Variants in STAB2 observed in about 807,000 individuals in gnomAD.
STAB2 encodes the protein stabilin-2.
In STAB2, 288 loss-of-function variants were observed where a neutral mutation model predicts 338.1. That is an observed-to-expected ratio of 0.85 (90% CI 0.77 to 0.94). STAB2 has a LOEUF of 0.94. STAB2 is among the 40% of genes least tolerant of loss of function. The pLI, the probability that STAB2 is intolerant of heterozygous loss-of-function variation, is 0.00. For synonymous variants in STAB2, 1,202 were observed against 1,193.3 expected (o/e 1.01, Z -0.15); for missense variants, 3,141 against 3,210.1 (o/e 0.98, Z 0.52).
intron 44 of STAB2, among the ~76,000 whole-genome samples, chr12:103,724,019 G>A (rs889597384): frequency 1.3e-4 from 20 of 152,158 alleles, no homozygotes; most frequent in African/African-American, 3.6e-4. Context: ...GGTAGAGGCC[G>A]TTGACAAGGG....
rs181112541 is a variant in STAB2 at position 103,709,143 on chromosome 12, C to T, written c.4288+607C>T. Among the ~76,000 whole-genome samples, 489 of 152,236 alleles carry T rather than the reference C, an allele frequency of 3.2e-3. 2 individuals are homozygous for T. The highest frequency in any genetic ancestry group is 5.2e-3 in the Non-Finnish European group (352 of 68,014). On this transcript the variant is annotated intron_variant, in intron 39 of 68. Transcript: ENST00000388887. ...TCTGAGAGGCCCATTTCCTTCAATC[C>T]GACCACATCACATTGATTTTTCTTA...
intron 2 of STAB2, among the ~76,000 whole-genome samples, chr12:103,593,188 T>C (rs934182866): frequency 4.6e-5 from 7 of 152,168 alleles, no homozygotes; most frequent in Admixed American, 1.3e-4. Context: ...TAACCAGAAG[T>C]AGGATTAATG....
Position 103,704,630 on chromosome 12 carries a change from G to A in STAB2, c.3900+16G>A, listed in dbSNP as rs775726709. On this transcript the variant is annotated intron_variant, in intron 36 of 68. Transcript: ENST00000388887. ...TAAATCTCTAGTAAGTACTTTGTCT[G>A]TTTTGATAAAATAGTTTCCAGATCC... 5.6e-6 allele frequency: 9 copies of A among 1,612,126 alleles called. No homozygotes were observed. Among genetic ancestry groups the A allele is most frequent in the Middle Eastern group, 1.6e-4 (1 of 6,076 alleles).
At chr12:103,667,461 C>T (rs192008738) in intron 19 of STAB2, among the ~76,000 whole-genome samples, 2 of 152,214 alleles carry the variant, frequency 1.3e-5, no homozygotes, top group African/African-American at 2.4e-5. Context: ...CAAGGTCACA[C>T]AGCTGATGTG....
At chr12:103,668,085 C>T (rs541065796) in intron 19 of STAB2, among the ~76,000 whole-genome samples, 3 of 152,334 alleles carry the variant, frequency 2.0e-5, no homozygotes, top group Non-Finnish European at 4.4e-5. Flanking sequence ...GATTGATGAA[C>T]TCATCTGTGC....
At position 103,704,575 on chromosome 12, in the gene STAB2, C is replaced by T. The variant is rs1452135876; in HGVS notation, c.3861C>T (p.Cys1287=). Residue 1287 remains cysteine, a synonymous_variant, in exon 36 of 69, where the codon TGC becomes TGT. Coordinates refer to ENST00000388887, the MANE Select transcript of STAB2 (RefSeq NM_017564.10). ...TTIIRGRCRT[C]SSELTCPFGT... ...TTACCAAGGGAAGATGTAGGACATG[C>T]TCCTCAGAGCTGACCTGCCCATTCG... 2 of 1,613,512 alleles carry T rather than the reference C, an allele frequency of 1.2e-6. No individual in the cohort carries two copies. The highest frequency in any genetic ancestry group is 1.7e-6 in the Non-Finnish European group (2 of 1,179,780).
intron 21 of STAB2, among the ~76,000 whole-genome samples, chr12:103,670,004 T>G (rs1875595704): frequency 6.6e-6 from 1 of 152,242 alleles, no homozygotes; most frequent in Non-Finnish European, 1.5e-5. Flanking sequence ...CTGATTGCTT[T>G]TTTGAACCTA....
intron 27 of STAB2, among the ~76,000 whole-genome samples, chr12:103,686,341 C>G (rs1033520077): frequency 6.6e-6 from 1 of 152,190 alleles, no homozygotes; most frequent in African/African-American, 2.4e-5. Context: ...TCCTGACATG[C>G]AGACCATGGC....
intron 3 of STAB2, among the ~76,000 whole-genome samples, chr12:103,604,947 A>G (rs56216042): frequency 0.043 from 5,723 of 134,620 alleles, 388 homozygotes; most frequent in African/African-American, 0.17. Flanking sequence ...TTATTTAAAA[A>G]CTTTCTTCTT....
At position 103,699,102 on chromosome 12, in the gene STAB2, G is replaced by T. The variant is rs1450064026; in HGVS notation, c.3589G>T (p.Asp1197Tyr). Residue 1197 changes from aspartate to tyrosine, a missense_variant, in exon 34 of 69, where the codon GAC (aspartate) becomes TAC (tyrosine). Asp to Tyr is a radical substitution (Grantham distance 160, BLOSUM62 -3). Coordinates refer to ENST00000388887, the MANE Select transcript of STAB2 (RefSeq NM_017564.10). The stretch of plus-strand genomic sequence containing the variant: ...AATTCTGTGTGTGATCCAGGAGGAG[G>T]ACGTCCTCCGGTATCATGTGGTCCT... Reference protein sequence around the residue: ...REKKVLSLEEDVLRYHVVLEE... With the variant: ...REKKVLSLEEYVLRYHVVLEE... The T allele has an allele frequency of 6.2e-7, 1 of 1,608,278 alleles. No homozygotes were observed. Among genetic ancestry groups the T allele is most frequent in the South Asian group, 1.1e-5 (1 of 90,694 alleles).
intron 5 of STAB2, among the ~76,000 whole-genome samples, chr12:103,625,243 T>C (rs1957363185): frequency 6.6e-6 from 1 of 152,208 alleles, no homozygotes; most frequent in South Asian, 2.1e-4. Flanking sequence ...TGTTGGTTAC[T>C]GATGAGCACA....
At chr12:103,720,523 TG>T (rs1359417111) in intron 44 of STAB2, among the ~76,000 whole-genome samples, 1 of 152,238 alleles carries the variant, frequency 6.6e-6, no homozygotes, top group Non-Finnish European at 1.5e-5. Flanking sequence ...TTTATGAATT[TG>T]TATGTAAATT....
Position 103,650,557 on chromosome 12 carries a change from C to A in STAB2, c.1236C>A (p.Asp412Glu). The A allele has an allele frequency of 1.2e-6, 2 of 1,613,078 alleles. No homozygotes were observed. The highest frequency in any genetic ancestry group is 1.7e-6 in the Non-Finnish European group (2 of 1,179,190). ...LGPFTVLLPTDKGLKGFNVNE... is the reference protein window; with the variant it reads ...LGPFTVLLPTEKGLKGFNVNE... ...CCTTCACGGTGCTGTTACCTACAGA[C>A]AAGGGACTGAAAGGATTCAATGTGA... Residue 412 changes from aspartate (D) to glutamate (E), a missense_variant, in exon 11 of 69, where the codon GAC becomes GAA. Asp to Glu is a conservative substitution (Grantham distance 45, BLOSUM62 2). Transcript: ENST00000388887.
At chr12:103,750,860 G>T (rs985058951) in intron 60 of STAB2, 140 bp downstream of exon 60, 3 of 1,189,590 alleles carry the variant, frequency 2.5e-6, no homozygotes, top group Non-Finnish European at 2.3e-6. Context: ...GGAGGCCAAG[G>T]CAGATGGATC....
Position 103,650,565 on chromosome 12 carries a change from T to A in STAB2, c.1244T>A (p.Leu415Gln). Residue 415 changes from leucine to glutamine, a missense_variant, in exon 11 of 69, where the codon CTG becomes CAG. Leu to Gln is a moderately radical substitution (Grantham distance 113). Transcript: ENST00000388887. ...FTVLLPTDKG[L>Q]KGFNVNELLV... ...GTGCTGTTACCTACAGACAAGGGAC[T>A]GAAAGGATTCAATGTGAGTATTTAA... 6.2e-7 allele frequency: 1 copy of A among 1,612,958 alleles called. No homozygotes were observed. Among genetic ancestry groups the A allele is most frequent in the Non-Finnish European group, 8.5e-7 (1 of 1,179,080 alleles).
At chr12:103,630,797 A>G (rs548053597) in intron 5 of STAB2, among the ~76,000 whole-genome samples, 2 of 152,268 alleles carry the variant, frequency 1.3e-5, no homozygotes, top group Admixed American at 1.3e-4. Context: ...TAAAGCCTCC[A>G]GAGGAATAGC....
intron 31 of STAB2, among the ~76,000 whole-genome samples, chr12:103,693,668 C>T (rs1035095015): frequency 6.6e-6 from 1 of 151,954 alleles, no homozygotes; most frequent in Admixed American, 6.5e-5. Flanking sequence ...TTCTAATACC[C>T]AGTATAACAA....
At chr12:103,613,895 G>A (rs1215499646) in intron 3 of STAB2, among the ~76,000 whole-genome samples, 3 of 151,982 alleles carry the variant, frequency 2.0e-5, no homozygotes, top group African/African-American at 7.3e-5. Flanking sequence ...TTATTTCTCA[G>A]TCTTTAAACT....
chr12:103,682,923 G>A (rs902821632), intron 25 of STAB2, among the ~76,000 whole-genome samples: 4 of 151,104 alleles, frequency 2.6e-5, no homozygotes, highest in Admixed American at 6.6e-5. Flanking sequence ...ACTCCATCCT[G>A]GGCGACAGAG....
Sources: allele counts gnomAD v4.1 joint callset (sites outside exome capture counted in the v4.1 genomes callset), GRCh38; gene constraint gnomAD v4.1.1; transcripts MANE v1.5; gene names NCBI Gene and HGNC (gene_info 2026-07-23, HGNC 2026-07-21).